Variants in TTN observed in about 807,000 individuals in gnomAD.
TTN encodes connectin.
In TTN, 1,525 loss-of-function variants were observed where a neutral mutation model predicts 3,223.0. The ratio of observed to expected loss-of-function variants is 0.47; its 90% confidence interval spans 0.45 to 0.49. TTN has a LOEUF of 0.49. TTN is among the 20% of genes least tolerant of loss of function. TTN has a pLI of 0.00. For missense variants in TTN, 40,786 were observed against 43,424.0 expected (o/e 0.94, Z 5.40); for synonymous variants, 14,094 against 15,161.0 (o/e 0.93, Z 5.17).
chr2:178,714,112 A>C lies in TTN; in HGVS notation c.26546T>G (p.Leu8849Trp). Residue 8849 changes from leucine to tryptophan, a missense_variant, in exon 92 of 363, where the codon TTG becomes TGG. Leu to Trp is a moderately conservative substitution (Grantham distance 61). Coordinates refer to ENST00000589042, the MANE Select transcript of TTN (RefSeq NM_001267550.2). ...IKVTTGDTCTLECTVAGTPEL... is the reference protein window; with the variant it reads ...IKVTTGDTCTWECTVAGTPEL... ...AGGGGTGCCAGCTACTGTACACTCCAAGGTACAGGTGTCTCCCGTGGTAAC... is the reference window on the plus strand; with the variant it reads ...AGGGGTGCCAGCTACTGTACACTCCCAGGTACAGGTGTCTCCCGTGGTAAC... The C allele has an allele frequency of 6.2e-7, 1 of 1,613,782 alleles. No homozygotes were observed. Among genetic ancestry groups the C allele is most frequent in the Non-Finnish European group, 8.5e-7 (1 of 1,179,754 alleles).
Position 178,580,556 on chromosome 2 carries a change from C to G in TTN, c.66823G>C (p.Ala22275Pro). The change falls in exon 317 of 363, where the codon GCT becomes CCT. Residue 22275 changes from alanine to proline, a missense_variant. Transcript: ENST00000589042. The stretch of plus-strand genomic sequence containing the variant: ...ACATATAGTCTCATAGTAACTCCAG[C>G]ACGTAATATGAGTGTCTTCCTTAAG... ...ADLRKTLILR[A>P]GVTMRLYVPV... The G allele has an allele frequency of 6.2e-7, 1 of 1,612,614 alleles. No homozygotes were observed. The highest frequency in any genetic ancestry group is 8.5e-7 in the Non-Finnish European group (1 of 1,179,222).
intron 90 of TTN, 107 bp downstream of exon 90, chr2:178,714,879 A>C: frequency 2.8e-6 from 4 of 1,406,084 alleles, no homozygotes; most frequent in Non-Finnish European, 3.8e-6. Flanking sequence ...AACAAAGGGA[A>C]AGTGGAATAG....
intron 11 of TTN, 142 bp downstream of exon 11, chr2:178,790,566 G>A: frequency 7.7e-7 from 1 of 1,291,762 alleles, no homozygotes; most frequent in Non-Finnish European, 1.1e-6. Context: ...AAAGGTAGCT[G>A]TGTGGGAAAA....
At chr2:178,671,496 A>G (rs2066965331) in intron 155 of TTN, among the ~76,000 whole-genome samples, 1 of 151,816 alleles carries the variant, frequency 6.6e-6, no homozygotes, top group South Asian at 2.1e-4. Context: ...CATTAACAAT[A>G]CTTCACTTCC....
At position 178,535,146 on chromosome 2, in the gene TTN, T is replaced by C. The variant is rs771060169; in HGVS notation, c.101469A>G (p.Glu33823=). The change falls in exon 358 of 363, where the codon GAA becomes GAG. Residue 33823 remains glutamate, a synonymous_variant. Transcript: ENST00000589042. ...TTCCAAACTCACCACGCCCAAGATC[T>C]TCAGCAATCATATATTTCTCATAGA... ...KELYEKYMIA[E]DLGRGEFGIV... is the part of the protein sequence containing the mutation. 1 of 1,613,864 alleles carries C rather than the reference T, an allele frequency of 6.2e-7. No homozygotes were observed.
intron 311 of TTN, 150 bp from the exon 312 acceptor site, chr2:178,584,056 T>A: frequency 9.3e-7 from 1 of 1,076,162 alleles, no homozygotes. Context: ...TATGCACTTT[T>A]GAGTCCTTGC....
At position 178,560,011 on chromosome 2, in the gene TTN, C is replaced by T. The variant is rs747013408; in HGVS notation, c.86121G>A (p.Gly28707=). ...DWKTSIQSLR[G]TEYTISGLTT... ...TTAGTCCGCTTATTGTATATTCTGT[C>T]CCTCGTAAGCTCTGAATGGAAGTTT... The change falls in exon 326 of 363, where the codon GGG becomes GGA. Residue 28707 remains glycine, a synonymous_variant. Coordinates refer to ENST00000589042, the MANE Select transcript of TTN (RefSeq NM_001267550.2). The T allele has an allele frequency of 6.2e-7, 1 of 1,613,700 alleles. No individual in the cohort carries two copies. Among genetic ancestry groups the T allele is most frequent in the South Asian group, 1.1e-5 (1 of 91,076 alleles).
At position 178,589,712 on chromosome 2, in the gene TTN, C is replaced by T. The variant is rs2049808933; in HGVS notation, c.62013G>A (p.Glu20671=). ...LAINPIDRPG[E]PENLHIADKG... ...TATCTGCAATGTGAAGGTTTTCAGG[C>T]TCACCTGGTCTGTCAATAGGGTTAA... The change falls in exon 304 of 363, where the codon GAG becomes GAA. Residue 20671 remains glutamate, a synonymous_variant. Coordinates refer to ENST00000589042, the MANE Select transcript of TTN (RefSeq NM_001267550.2). 1 of 1,613,554 alleles carries T rather than the reference C, an allele frequency of 6.2e-7. No homozygotes were observed. Among genetic ancestry groups the T allele is most frequent in the Non-Finnish European group, 8.5e-7 (1 of 1,179,614 alleles).
At chr2:178,769,093 G>C (rs1446334763) in intron 37 of TTN, among the ~76,000 whole-genome samples, 160 bp from the exon 38 acceptor site, 4 of 151,854 alleles carry the variant, frequency 2.6e-5, no homozygotes, top group Non-Finnish European at 5.9e-5. Context: ...TACTATACAG[G>C]ACAGTGCCAA....
chr2:178,635,846 GT>G, intron 226 of TTN, 116 bp downstream of exon 226: 1 of 1,509,910 alleles, frequency 6.6e-7, no homozygotes. Flanking sequence ...AGGATATATT[GT>G]TATTCCCCTC....
rs2079209158 is a variant in TTN, at chr2:178,725,623, T to G, written c.20581A>C (p.Asn6861His). 1 of 1,593,990 alleles carries G rather than the reference T, an allele frequency of 6.3e-7. No individual in the cohort carries two copies. The highest frequency in any genetic ancestry group is 1.3e-5 in the African/African-American group (1 of 74,270). Residue 6861 changes from asparagine to histidine, a missense_variant, in exon 71 of 363, where the codon AAC (asparagine) becomes CAC (histidine). By Grantham distance (68) the Asn-to-His change is moderately conservative. Transcript: ENST00000589042. The stretch of plus-strand genomic sequence containing the variant: ...TCTCCGGCTACAACAGTGAGGCTGT[T>G]CAGTTTGGAGACAAATCTTGGTGGT... Reference protein sequence around the residue: ...KEPPRFVSKLNSLTVVAGEPA... With the variant: ...KEPPRFVSKLHSLTVVAGEPA...
At chr2:178,581,059 T>G (rs186485164) in intron 316 of TTN, among the ~76,000 whole-genome samples, 37 of 151,982 alleles carry the variant, frequency 2.4e-4, no homozygotes, top group Admixed American at 2.4e-3. Flanking sequence ...AAAGGGGAAA[T>G]TATCATGGAG....
chr2:178,562,484 T>A lies in TTN; in HGVS notation c.83648A>T (p.Lys27883Met). Residue 27883 changes from lysine (K) to methionine (M), a missense_variant, in exon 326 of 363, where the codon AAG (lysine) becomes ATG (methionine). Transcript: ENST00000589042. ...ACCATCACTTTCTGGTTTCTCCCACTTAATTGTAGCTGTATTACGGGTCAC... is the reference window on the plus strand; with the variant it reads ...ACCATCACTTTCTGGTTTCTCCCACATAATTGTAGCTGTATTACGGGTCAC... ...VDVTRNTATI[K>M]WEKPESDGGS... is the part of the protein sequence containing the mutation. 6.2e-7 allele frequency: 1 copy of A among 1,613,386 alleles called. No individual in the cohort carries two copies. Among genetic ancestry groups the A allele is most frequent in the South Asian group, 1.1e-5 (1 of 90,994 alleles).
chr2:178,570,780 T>C lies in TTN; in HGVS notation c.75352A>G (p.Lys25118Glu), dbSNP rs1160362939. ...CCAGCATGAACCACGATTGTGTCTT[T>C]GTATTTTGGATCCATACTTATTCGT... The part of the protein sequence containing the change: ...PPRISMDPKY[K>E]DTIVVHAGES... The change falls in exon 326 of 363, where the codon AAA becomes GAA. Residue 25118 changes from lysine (K) to glutamate (E), a missense_variant. Coordinates refer to ENST00000589042, the MANE Select transcript of TTN (RefSeq NM_001267550.2). 1 of 1,613,610 alleles carries C rather than the reference T, an allele frequency of 6.2e-7. No individual in the cohort carries two copies. Among genetic ancestry groups the C allele is most frequent in the South Asian group, 1.1e-5 (1 of 91,080 alleles).
chr2:178,719,905 G>A, intron 81 of TTN, 73 bp from the exon 82 acceptor site: 3 of 1,544,672 alleles, frequency 1.9e-6, no homozygotes, highest in Admixed American at 2.0e-5. Flanking sequence ...CTGAATTACT[G>A]GATAAGAGGA....
chr2:178,696,829 T>C (rs888218695), intron 113 of TTN, among the ~76,000 whole-genome samples: 2 of 152,088 alleles, frequency 1.3e-5, no homozygotes, highest in Admixed American at 6.5e-5. Context: ...ATATGACTCT[T>C]AACATTTGTG....
intron 33 of TTN, chr2:178,772,836 TA>T: frequency 2.1e-6 from 1 of 475,176 alleles, no homozygotes. Flanking sequence ...GAGGCACATA[TA>T]AAGTGATCCT....
rs763288364 is a variant in TTN, at chr2:178,555,105, A to G, written c.88354T>C (p.Tyr29452His). The G allele has an allele frequency of 5.6e-6, 9 of 1,613,810 alleles. No individual in the cohort carries two copies. In the East Asian group the frequency reaches 2.0e-4, roughly 36 times the overall value. ...LPLEYTEVVK[Y>H]RAGTSVKLRA... ...AGCTTCACAGATGTACCTGCTCTGT[A>G]TTTGACAACTTCTGTATATTCTAGA... Residue 29452 changes from tyrosine to histidine, a missense_variant, in exon 331 of 363, where the codon TAC becomes CAC. Physicochemically the swap from Tyr to His is moderately conservative, Grantham distance 83. Transcript: ENST00000589042.
Position 178,608,093 on chromosome 2 carries a change from G to A in TTN, c.52706-12C>T. Reference sequence around the variant, plus strand: ...TGGCCCAGGAGGAGCTAGAATGAATGAAGATAGACAAATCAAACTCCCTGA... The same window carrying A: ...TGGCCCAGGAGGAGCTAGAATGAATAAAGATAGACAAATCAAACTCCCTGA... On this transcript the variant is annotated splice_polypyrimidine_tract_variant and intron_variant, in intron 275 of 362. Coordinates refer to ENST00000589042, the MANE Select transcript of TTN (RefSeq NM_001267550.2). 9 of 1,610,226 alleles carry A rather than the reference G, an allele frequency of 5.6e-6. No homozygotes were observed. The highest frequency in any genetic ancestry group is 7.6e-6 in the Non-Finnish European group (9 of 1,178,130).
Sources: allele counts gnomAD v4.1 joint callset (sites outside exome capture counted in the v4.1 genomes callset), GRCh38; gene constraint gnomAD v4.1.1; transcripts MANE v1.5; gene names NCBI Gene and HGNC (gene_info 2026-07-23, HGNC 2026-07-21).